The following FAM107A variants were observed in gnomAD, a reference collection of about 807,000 sequenced individuals.
FAM107A encodes actin-associated protein FAM107A.
A neutral mutation model predicts 13.7 loss-of-function variants in FAM107A; 19 were observed. That is an observed-to-expected ratio of 1.38 (90% confidence interval 0.97 to 2.03). The LOEUF is 2.03. Among genes scored for constraint, FAM107A ranks in the 30% most tolerant of loss-of-function variants. The pLI is 0.00. For synonymous variants in FAM107A, 82 were observed against 74.5 expected, an observed-to-expected ratio of 1.10 and a Z score of -0.52; for missense variants, 203 against 184.4, an observed-to-expected ratio of 1.10 and a Z score of -0.58.
At position 58,621,672 on chromosome 3, in the gene FAM107A, A is replaced by G. The variant is rs545667088; in HGVS notation, c.-70+5744T>C. 2.2e-4 allele frequency among the ~76,000 whole-genome samples: 33 copies of G among 152,368 alleles called. No homozygotes were observed. The East Asian group carries it at 6.4e-3, about 29-fold the overall frequency. ...TTTTATCCCCATTTTAGGGATGAGG[A>G]AAGCAAAGCTTAAACATCACCCAGA... On this transcript the variant is annotated intron_variant, in intron 1 of 3. Transcript: ENST00000465970.
rs769451820 is a variant in FAM107A, at chr3:58,566,224, C to G, written c.*364G>C. 1 of 188,280 alleles carries G rather than the reference C, an allele frequency of 5.3e-6. No individual in the cohort carries two copies. The allele number at this position is 188,280 out of a possible 1,614,324, so 11.7% of individuals were successfully genotyped here. A position where few individuals can be genotyped will look rare whatever the true frequency, so the allele number is the denominator to read the frequency against. On this transcript the variant is annotated 3_prime_UTR_variant, in exon 4 of 4. Transcript: ENST00000360997. ...TACGGAGAAGCGGGGCCCTGGGGAG[C>G]CTCGGAGATTCCTGGTGGGAAGGCC...
At position 58,567,312 on chromosome 3, in the gene FAM107A, G is replaced by T. The variant is rs11539082; in HGVS notation, c.223C>A (p.Arg75=). 1.2e-6 allele frequency: 2 copies of T among 1,612,764 alleles called. No individual in the cohort carries two copies. The highest frequency in any genetic ancestry group is 1.7e-6 in the Non-Finnish European group (2 of 1,179,624). The change falls in exon 3 of 4, where the codon CGG becomes AGG. Residue 75 remains arginine, a synonymous_variant. Transcript: ENST00000360997. ...PELQRVLEHR[R]RNQLIKKKKE... ...TTCTTCTTGATGAGCTGGTTCCGCC[G>T]GCGGTGCTCTAGGACACGCTGCAGC...
intron 1 of FAM107A, among the ~76,000 whole-genome samples, chr3:58,575,689 T>G (rs1438975336): frequency 6.6e-6 from 1 of 152,262 alleles, no homozygotes; most frequent in Middle Eastern, 3.2e-3. Flanking sequence ...ATGAAGAGGC[T>G]GTGTGAGCCC....
intron 1 of FAM107A, among the ~76,000 whole-genome samples, chr3:58,605,602 G>T (rs1422618320): frequency 6.6e-6 from 1 of 152,164 alleles, no homozygotes; most frequent in Non-Finnish European, 1.5e-5. Context: ...AGTACCTATT[G>T]TCCACTGCCT....
At chr3:58,572,557 G>A (rs1178005025) in intron 1 of FAM107A, among the ~76,000 whole-genome samples, 2 of 152,204 alleles carry the variant, frequency 1.3e-5, no homozygotes, top group Admixed American at 6.5e-5. Context: ...GGTGTGAGCT[G>A]AGAGACTGGG....
At chr3:58,611,704 C>G (rs1404945984) in intron 1 of FAM107A, among the ~76,000 whole-genome samples, 1 of 152,170 alleles carries the variant, frequency 6.6e-6, no homozygotes, top group African/African-American at 2.4e-5. Context: ...CCTGGGTTCC[C>G]CATTGACCTG....
upstream of FAM107A, among the ~76,000 whole-genome samples, chr3:58,591,433 G>T (rs932943840): frequency 6.6e-6 from 1 of 152,134 alleles, no homozygotes. This position sits in a 1 kb window ranked among gnomAD's most constrained non-coding sequence, Gnocchi z 4.3. Flanking sequence ...AGGTCAGGGT[G>T]GCCGAAGTGG....
intron 1 of FAM107A, among the ~76,000 whole-genome samples, chr3:58,599,947 A>G (rs2065740138): frequency 6.6e-6 from 1 of 151,858 alleles, no homozygotes; most frequent in South Asian, 2.1e-4. Flanking sequence ...AAGTTCTGGG[A>G]TTACAGACAT....
intron 1 of FAM107A, among the ~76,000 whole-genome samples, chr3:58,571,156 C>T (rs892751240): frequency 7.9e-5 from 12 of 152,110 alleles, no homozygotes; most frequent in African/African-American, 2.4e-4. Flanking sequence ...ACGGGGTGCA[C>T]GTTGCAAGGT....
upstream of FAM107A, among the ~76,000 whole-genome samples, chr3:58,582,613 G>C (rs1435824290): frequency 6.6e-6 from 1 of 152,178 alleles, no homozygotes; most frequent in Non-Finnish European, 1.5e-5. Context: ...CCACAATCCT[G>C]ACTCCATTGC....
At chr3:58,583,695 G>A (rs577055989) in intron 1 of FAM107A, among the ~76,000 whole-genome samples, 15 of 150,848 alleles carry the variant, frequency 9.9e-5, no homozygotes, top group Non-Finnish European at 2.1e-4. Flanking sequence ...TTTTTTTTTG[G>A]GGGGGGACAC....
chr3:58,578,604 A>G (rs2063749042), upstream of FAM107A, among the ~76,000 whole-genome samples: 1 of 152,192 alleles, frequency 6.6e-6, no homozygotes, highest in Non-Finnish European at 1.5e-5. Flanking sequence ...AAAACCCAAG[A>G]AAAGTAAAAA....
At chr3:58,606,274 T>G (rs924643509) in intron 1 of FAM107A, among the ~76,000 whole-genome samples, 1 of 152,142 alleles carries the variant, frequency 6.6e-6, no homozygotes, top group Admixed American at 6.5e-5. Context: ...TTTTGTATTT[T>G]TAGTAGAGGC....
Position 58,569,897 on chromosome 3 carries a change from C to G in FAM107A, c.-5-32G>C, listed in dbSNP as rs1334350234. The G allele has an allele frequency of 6.2e-7, 1 of 1,600,754 alleles. No individual in the cohort carries two copies. The highest frequency in any genetic ancestry group is 2.2e-5 in the East Asian group (1 of 44,666). Reference sequence around the variant, plus strand: ...AGATGGGCAGAGGAGTAGCTCAGAGCTGAGCCTATAATCTCACCCTGCCCC... The same window carrying G: ...AGATGGGCAGAGGAGTAGCTCAGAGGTGAGCCTATAATCTCACCCTGCCCC... On this transcript the variant is annotated intron_variant, in intron 1 of 3. Transcript: ENST00000360997. This position sits in a 1 kb window ranked among gnomAD's most constrained non-coding sequence, Gnocchi z 5.7.
exon 1 of FAM107A, chr3:58,627,500 C>T (rs9826287): frequency 0.025 from 3,953 of 156,466 alleles, 184 homozygotes; most frequent in African/African-American, 0.089. Context: ...GGGCTGCGTG[C>T]GGATGTCAGC....
At chr3:58,586,306 C>T (rs765757296) in intron 1 of FAM107A, among the ~76,000 whole-genome samples, 18 of 152,004 alleles carry the variant, frequency 1.2e-4, no homozygotes, top group Non-Finnish European at 2.2e-4. Context: ...CTTCTGTGGT[C>T]AAGAAACTGT....
At chr3:58,615,706 G>T (rs2108081666) in intron 1 of FAM107A, among the ~76,000 whole-genome samples, 1 of 151,974 alleles carries the variant, frequency 6.6e-6, no homozygotes, top group Middle Eastern at 3.4e-3. Context: ...GACCAGCCTG[G>T]GCAACATGGT....
chr3:58,599,793 C>A (rs556558628), intron 1 of FAM107A, among the ~76,000 whole-genome samples: 1 of 132,924 alleles, frequency 7.5e-6, no homozygotes, highest in South Asian at 2.4e-4. Context: ...TCTCGGCTTA[C>A]TGCAACATTT....
exon 1 of FAM107A, chr3:58,627,554 T>G (rs1229989166): frequency 6.5e-6 from 1 of 152,712 alleles, no homozygotes; most frequent in African/African-American, 2.4e-5. Flanking sequence ...TGAAGATGCT[T>G]GGGGTCCGGG....
Sources: allele counts gnomAD v4.1 joint callset (sites outside exome capture counted in the v4.1 genomes callset), GRCh38; gene constraint gnomAD v4.1.1; non-coding constraint Gnocchi (gnomAD v3.1); transcripts MANE v1.5; gene names NCBI Gene and HGNC (gene_info 2026-07-23, HGNC 2026-07-21).